HNRNPA1L2: variants seen among roughly 807,000 people sequenced by gnomAD.
HNRNPA1L2 encodes heterogeneous nuclear ribonucleoprotein A1-like 2.
A neutral mutation model predicts 18.2 loss-of-function variants in HNRNPA1L2; 10 were observed. That is an observed-to-expected ratio of 0.55 (90% confidence interval 0.34 to 0.93). The LOEUF (loss-of-function observed/expected upper bound fraction) is 0.93, where lower values mean the gene tolerates loss of function less well. HNRNPA1L2 is among the 40% of genes least tolerant of loss of function. The probability of loss-of-function intolerance (pLI) is 0.02; values close to 1 mark genes in which losing one functional copy is unlikely to be tolerated. For synonymous variants in HNRNPA1L2, 124 were observed against 138.6 expected, an observed-to-expected ratio of 0.89 and a Z score of 0.74; for missense variants, 308 against 394.4, an observed-to-expected ratio of 0.78 and a Z score of 1.85.
chr13:52,634,656 G>T, the HNRNPA1L2 span, among the ~76,000 whole-genome samples: 2 of 152,140 alleles, frequency 1.3e-5, no homozygotes, highest in African/African-American at 4.8e-5. Context: ...GATTGAATGA[G>T]TTATTCTGTT....
chr13:52,619,059 G>A, the HNRNPA1L2 span, among the ~76,000 whole-genome samples: 1 of 152,290 alleles, frequency 6.6e-6, no homozygotes, highest in East Asian at 1.9e-4. Flanking sequence ...CCAGGCTGGA[G>A]TGCAATGGCA....
At chr13:52,634,959 A>C in the HNRNPA1L2 span, among the ~76,000 whole-genome samples, 2 of 152,244 alleles carry the variant, frequency 1.3e-5, no homozygotes, top group Non-Finnish European at 2.9e-5. Context: ...AACTATTAGC[A>C]AGTGTAAAAT....
the HNRNPA1L2 span, among the ~76,000 whole-genome samples, chr13:52,624,066 G>A: frequency 1.3e-5 from 2 of 152,194 alleles, no homozygotes; most frequent in African/African-American, 4.8e-5. Flanking sequence ...CTGGGTTCCA[G>A]GGTGGGTGTC....
At chr13:52,624,025 T>G in the HNRNPA1L2 span, among the ~76,000 whole-genome samples, 1 of 152,194 alleles carries the variant, frequency 6.6e-6, no homozygotes, top group African/African-American at 2.4e-5. Context: ...GTGGCTTTCT[T>G]TGTGGCCTGG....
chr13:52,637,605 A>G (rs1566161354), upstream of HNRNPA1L2, among the ~76,000 whole-genome samples: 1 of 152,232 alleles, frequency 6.6e-6, no homozygotes, highest in African/African-American at 2.4e-5. Flanking sequence ...TCCATGCAAT[A>G]TAATAGAATT....
chr13:52,625,255 C>G, the HNRNPA1L2 span, among the ~76,000 whole-genome samples: 9 of 151,796 alleles, frequency 5.9e-5, no homozygotes, highest in Non-Finnish European at 1.0e-4. Context: ...GCTGGGATTA[C>G]AGGTGCACTC....
At chr13:52,625,607 A>G in the HNRNPA1L2 span, among the ~76,000 whole-genome samples, 3 of 152,224 alleles carry the variant, frequency 2.0e-5, no homozygotes, top group African/African-American at 7.2e-5. Context: ...TGAAAAATGA[A>G]TATTCACCTA....
chr13:52,618,194 CCATT>C, the HNRNPA1L2 span, among the ~76,000 whole-genome samples: 8 of 152,268 alleles, frequency 5.3e-5, no homozygotes, highest in South Asian at 1.7e-3. Flanking sequence ...ACAGAGTACA[CCATT>C]CATCCAACAA....
the HNRNPA1L2 span, among the ~76,000 whole-genome samples, chr13:52,626,728 T>G: frequency 6.6e-6 from 1 of 152,154 alleles, no homozygotes; most frequent in East Asian, 1.9e-4. Context: ...TTACATACAT[T>G]AAAGTGTACA....
chr13:52,642,413 T>A, upstream of HNRNPA1L2: 1 of 1,552,780 alleles, frequency 6.4e-7, no homozygotes, highest in South Asian at 1.2e-5. Context: ...CAGCTTCATA[T>A]CTAAGATCTC....
upstream of HNRNPA1L2, chr13:52,641,316 G>A (rs534021524): frequency 2.0e-5 from 3 of 152,220 alleles, no homozygotes; most frequent in East Asian, 5.8e-4. Flanking sequence ...CCCTGAATTT[G>A]TTGTTACAAA....
chr13:52,635,201 C>A, the HNRNPA1L2 span, among the ~76,000 whole-genome samples: 1 of 151,840 alleles, frequency 6.6e-6, no homozygotes, highest in Non-Finnish European at 1.5e-5. Context: ...TCATAGAAAC[C>A]GATTCAGAAA....
At chr13:52,626,152 C>T in the HNRNPA1L2 span, among the ~76,000 whole-genome samples, 4 of 152,058 alleles carry the variant, frequency 2.6e-5, no homozygotes, top group African/African-American at 9.6e-5. Context: ...TCAATTAAGT[C>T]CTTAAAATCT....
the HNRNPA1L2 span, among the ~76,000 whole-genome samples, chr13:52,625,653 A>C: frequency 6.6e-6 from 1 of 152,254 alleles, no homozygotes; most frequent in African/African-American, 2.4e-5. Context: ...ACATATATTA[A>C]AATTTGAAAA....
chr13:52,641,200 G>A (rs1961643712), upstream of HNRNPA1L2: 1 of 152,200 alleles, frequency 6.6e-6, no homozygotes, highest in African/African-American at 2.4e-5. Context: ...GTTTATTAAA[G>A]AAGGACCTGT....
the HNRNPA1L2 span, among the ~76,000 whole-genome samples, chr13:52,625,170 A>G: frequency 6.6e-6 from 1 of 151,082 alleles, no homozygotes; most frequent in Non-Finnish European, 1.5e-5. Context: ...GCTGGAGTGC[A>G]GTGGTGTGAT....
the HNRNPA1L2 span, among the ~76,000 whole-genome samples, chr13:52,617,865 C>T: frequency 2.0e-5 from 3 of 152,188 alleles, no homozygotes; most frequent in Non-Finnish European, 4.4e-5. Flanking sequence ...CCCAAGGAAA[C>T]ATAGCGTGCG....
the HNRNPA1L2 span, chr13:52,627,306 T>C: frequency 2.0e-5 from 3 of 152,322 alleles, 1 homozygote; most frequent in South Asian, 4.1e-4. Context: ...TTGTCAGATA[T>C]TGAATTGAAT....
At chr13:52,621,201 T>G in the HNRNPA1L2 span, among the ~76,000 whole-genome samples, 1 of 152,194 alleles carries the variant, frequency 6.6e-6, no homozygotes, top group African/African-American at 2.4e-5. Context: ...GAGTCTAGTA[T>G]AGATGTAATC....
Sources: gnomAD v4.1 joint callset for allele counts (sites outside exome capture counted in the v4.1 genomes callset) on GRCh38, gnomAD v4.1.1 for gene constraint, MANE v1.5 for transcripts, NCBI Gene and HGNC (gene_info 2026-07-23, HGNC 2026-07-21) for gene names.